The following FAM210A variants were observed in gnomAD, a reference collection of about 807,000 sequenced individuals.
FAM210A encodes family with sequence similarity 210 member A.
Under a neutral mutation model 25.3 loss-of-function variants are expected in FAM210A, and 13 were observed. The ratio of observed to expected loss-of-function variants is 0.51; its 90% CI spans 0.33 to 0.82. The LOEUF (loss-of-function observed/expected upper bound fraction) is 0.82. FAM210A is among the 40% of genes least tolerant of loss of function. The pLI, the probability that FAM210A is intolerant of heterozygous loss-of-function variation, is 0.02. For synonymous variants in FAM210A, 125 were observed against 118.7 expected (o/e 1.05, Z -0.35); for missense variants, 319 against 323.2 (o/e 0.99, Z 0.10).
chr18:13,681,396 A>G (rs898089338), intron 2 of FAM210A, among the ~76,000 whole-genome samples: 1 of 152,234 alleles, frequency 6.6e-6, no homozygotes, highest in Non-Finnish European at 1.5e-5. Context: ...GGAGGATTAA[A>G]TAAGATGAAA....
intron 1 of FAM210A, among the ~76,000 whole-genome samples, chr18:13,698,388 A>G (rs1216586360): frequency 1.3e-5 from 2 of 151,642 alleles, no homozygotes; most frequent in East Asian, 3.9e-4. Context: ...ATTAATTCAG[A>G]TTAAGAATAT....
Position 13,682,072 on chromosome 18 carries a change from T to C in FAM210A, c.6A>G (p.Gln2=), listed in dbSNP as rs749722333. The C allele has an allele frequency of 1.2e-5, 19 of 1,576,742 alleles. No individual in the cohort carries two copies. The African/African-American group carries it at 1.4e-4, about 11-fold the overall frequency. Residue 2 remains glutamine (Q), a synonymous_variant, in exon 2 of 4, where the codon CAA becomes CAG. Transcript: ENST00000651643. Reference sequence around the variant, plus strand: ...GAGATACAGTCCGTGGTACATTCCATTGCATTTTGAAGAGTGTTGATAGGT... The same window carrying C: ...GAGATACAGTCCGTGGTACATTCCACTGCATTTTGAAGAGTGTTGATAGGT... M[Q]WNVPRTVSRL... is the part of the protein sequence containing the mutation.
At chr18:13,724,454 C>T (rs1009911057) in intron 1 of FAM210A, among the ~76,000 whole-genome samples, 1 of 152,140 alleles carries the variant, frequency 6.6e-6, no homozygotes, top group Non-Finnish European at 1.5e-5. Flanking sequence ...TAAACGAGTG[C>T]AAATGAATAA....
chr18:13,717,379 G>A (rs2043869266), intron 1 of FAM210A, among the ~76,000 whole-genome samples: 1 of 152,172 alleles, frequency 6.6e-6, no homozygotes, highest in Non-Finnish European at 1.5e-5. Context: ...CTGGGCTCAA[G>A]TGATCTTCCC....
At chr18:13,698,512 C>G (rs1438196337) in intron 1 of FAM210A, among the ~76,000 whole-genome samples, 1 of 151,948 alleles carries the variant, frequency 6.6e-6, no homozygotes, top group Non-Finnish European at 1.5e-5. Context: ...TCCTTTCCAC[C>G]TCTTTTTATT....
rs1473149318 is a variant in FAM210A, at chr18:13,664,246, T to C, written c.*2234A>G. 6.6e-6 allele frequency: 1 copy of C among 152,182 alleles called. No individual in the cohort carries two copies. The highest frequency in any genetic ancestry group is 1.5e-5 in the Non-Finnish European group (1 of 68,032). The allele number at this position is 152,182 out of a possible 1,614,324, so 9.4% of individuals were successfully genotyped here. A position where few individuals can be genotyped will look rare whatever the true frequency, so the allele number is the denominator to read the frequency against. On this transcript the variant is annotated 3_prime_UTR_variant, in exon 4 of 4. Transcript: ENST00000651643. The stretch of plus-strand genomic sequence containing the variant: ...AACACAACATGATCATGAAACTGGA[T>C]GGCAACAAAACTCAAATGGACTAAC...
intron 1 of FAM210A, among the ~76,000 whole-genome samples, chr18:13,699,058 C>T (rs371323893): frequency 1.3e-4 from 20 of 152,362 alleles, no homozygotes; most frequent in African/African-American, 4.8e-4. Context: ...AATCCCACTT[C>T]AGCCTCCCAA....
chr18:13,693,464 T>A (rs1356411597), intron 1 of FAM210A, among the ~76,000 whole-genome samples: 1 of 152,090 alleles, frequency 6.6e-6, no homozygotes, highest in African/African-American at 2.4e-5. Flanking sequence ...TAGACCAATA[T>A]CCCTGATGAA....
At chr18:13,675,622 A>C in intron 2 of FAM210A, among the ~76,000 whole-genome samples, 1 of 133,810 alleles carries the variant, frequency 7.5e-6, no homozygotes, top group African/African-American at 2.8e-5. Flanking sequence ...TGGCCTCTTT[A>C]TTTCCAGTTT....
intron 1 of FAM210A, among the ~76,000 whole-genome samples, chr18:13,694,848 A>G (rs2043678993): frequency 6.6e-6 from 1 of 152,256 alleles, no homozygotes; most frequent in Non-Finnish European, 1.5e-5. Context: ...AATGGCAACA[A>G]AAGCCAAAAT....
In FAM210A at chr18:13,680,563, G is replaced by A. The variant is rs191654649; in HGVS notation, c.473+1042C>T. Among the ~76,000 whole-genome samples, 6 of 152,274 alleles carry A rather than the reference G, an allele frequency of 3.9e-5. No individual in the cohort carries two copies. The East Asian group carries it at 9.6e-4, about 24-fold the overall frequency. ...AGGTAGTTTCTATTCCATCATCCTG[G>A]AAGAGCTACTTATAGCTTAGTCTGC... On this transcript the variant is annotated intron_variant, in intron 2 of 3. Coordinates refer to ENST00000651643, the MANE Select transcript of FAM210A (RefSeq NM_152352.4).
chr18:13,690,034 T>C (rs116713313), intron 1 of FAM210A, among the ~76,000 whole-genome samples: 1,723 of 152,248 alleles, frequency 0.011, 36 homozygotes, highest in African/African-American at 0.04. Context: ...AGACGGTACG[T>C]GGAAAATCGG....
chr18:13,695,889 T>A (rs1304201046), intron 1 of FAM210A, among the ~76,000 whole-genome samples: 3 of 152,096 alleles, frequency 2.0e-5, no homozygotes, highest in Admixed American at 1.3e-4. Flanking sequence ...GGAACTAATA[T>A]GCAAGTACAG....
intron 1 of FAM210A, among the ~76,000 whole-genome samples, chr18:13,703,502 C>T (rs2149066015): frequency 6.6e-6 from 1 of 152,250 alleles, no homozygotes. Flanking sequence ...AAATGGGACC[C>T]TTAATTTTGG....
intron 1 of FAM210A, among the ~76,000 whole-genome samples, chr18:13,702,729 A>G (rs1188914102): frequency 2.0e-5 from 3 of 152,180 alleles, no homozygotes; most frequent in Non-Finnish European, 4.4e-5. Context: ...TCTCTTTCAT[A>G]GTGGTGATCC....
intron 1 of FAM210A, among the ~76,000 whole-genome samples, chr18:13,692,223 A>G (rs1409219442): frequency 1.3e-5 from 2 of 152,148 alleles, no homozygotes; most frequent in Non-Finnish European, 2.9e-5. Flanking sequence ...ATATGCACCC[A>G]ATACAGGAGC....
chr18:13,695,114 T>C (rs1280505679), intron 1 of FAM210A, among the ~76,000 whole-genome samples: 4 of 152,206 alleles, frequency 2.6e-5, no homozygotes, highest in Non-Finnish European at 4.4e-5. Context: ...CATGAAAAAA[T>C]GCTCATCATC....
intron 1 of FAM210A, chr18:13,687,830 A>G: frequency 6.6e-6 from 1 of 152,272 alleles, no homozygotes; most frequent in African/African-American, 2.4e-5. Context: ...ACTTCTCTGA[A>G]ACTTGCCTCG....
chr18:13,671,369 A>C (rs1188172522), intron 3 of FAM210A, among the ~76,000 whole-genome samples: 2 of 152,192 alleles, frequency 1.3e-5, no homozygotes, highest in Non-Finnish European at 2.9e-5. Flanking sequence ...AATAAGAAAA[A>C]ACAAATATAA....
Sources: allele counts gnomAD v4.1 joint callset (sites outside exome capture counted in the v4.1 genomes callset), GRCh38; gene constraint gnomAD v4.1.1; transcripts MANE v1.5; gene names NCBI Gene and HGNC (gene_info 2026-07-23, HGNC 2026-07-21).